The following TDRD9 variants were observed in gnomAD, a reference collection of about 807,000 sequenced individuals.
The protein encoded by TDRD9 is ATP-dependent RNA helicase TDRD9.
TDRD9 carries 124 observed loss-of-function variants against 172.6 expected under a neutral mutation model. That is an observed-to-expected ratio of 0.72 (90% confidence interval 0.62 to 0.83). TDRD9 has a LOEUF of 0.83. TDRD9 is among the 40% of genes least tolerant of loss of function. TDRD9 has a pLI of 0.00. For missense variants in TDRD9, 1,479 were observed against 1,714.1 expected (o/e 0.86, Z 2.42); for synonymous variants, 619 against 617.1 (o/e 1.00, Z -0.05).
rs1447015169 is a variant in TDRD9, at chr14:104,007,169, G to A, written c.2017G>A (p.Ala673Thr). The change falls in exon 19 of 36, where the codon GCT becomes ACT. Residue 673 changes from alanine to threonine, a missense_variant. Physicochemically the swap from Ala to Thr is moderately conservative, Grantham distance 58 (BLOSUM62 0). Transcript: ENST00000409874. ...ALVEAFKTWK[A>T]CRQTGELRYP... ...GATCCTTTATTTTCAGACATGGAAG[G>A]CTTGCAGACAGACAGGGGAGCTGCG... 1 of 1,613,866 alleles carries A rather than the reference G, an allele frequency of 6.2e-7. No homozygotes were observed. Among genetic ancestry groups the A allele is most frequent in the South Asian group, 1.1e-5 (1 of 91,054 alleles).
At chr14:104,006,332 G>T in intron 15 of TDRD9, 57 bp from the exon 16 acceptor site, 1 of 1,462,308 alleles carries the variant, frequency 6.8e-7, no homozygotes, top group Non-Finnish European at 9.4e-7. Context: ...CCACCTTAAG[G>T]GGAAGAAGTA....
At chr14:103,973,646 G>C (rs1003535793) in intron 6 of TDRD9, among the ~76,000 whole-genome samples, 1 of 152,310 alleles carries the variant, frequency 6.6e-6, no homozygotes, top group South Asian at 2.1e-4. Flanking sequence ...TTGTTTGCAG[G>C]CTGCACTCTG....
chr14:103,989,589 G>A (rs2033796322), intron 8 of TDRD9, among the ~76,000 whole-genome samples: 1 of 152,228 alleles, frequency 6.6e-6, no homozygotes, highest in Non-Finnish European at 1.5e-5. Context: ...CTATTTCCAT[G>A]AGGGCAAATC....
chr14:103,968,801 A>AAAAAAAAAAAAAAAAAAAAAAAAT (rs1444475581), intron 5 of TDRD9, among the ~76,000 whole-genome samples: 1 of 116,608 alleles, frequency 8.6e-6, no homozygotes, highest in Non-Finnish European at 1.8e-5. Context: ...GTCTCAAAAA[A>AAAAAAAAAAAAAAAAAAAAAAAAT]AAAGAATAAA....
chr14:104,041,301 G>T (rs911524049), intron 33 of TDRD9, among the ~76,000 whole-genome samples: 1 of 152,216 alleles, frequency 6.6e-6, no homozygotes, highest in Non-Finnish European at 1.5e-5. Flanking sequence ...CAGGAAATCT[G>T]TGTGACTTTG....
At chr14:103,969,168 CTT>C (rs147613591) in intron 5 of TDRD9, among the ~76,000 whole-genome samples, 5 of 137,628 alleles carry the variant, frequency 3.6e-5, no homozygotes, top group Admixed American at 7.4e-5. Context: ...ATTCAATAAA[CTT>C]TTTTTTTTTT....
chr14:103,946,362 T>C (rs1306974613), intron 1 of TDRD9, among the ~76,000 whole-genome samples: 1 of 152,218 alleles, frequency 6.6e-6, no homozygotes, highest in East Asian at 1.9e-4. Flanking sequence ...GAGTTGTTCA[T>C]ATTAAAAACT....
chr14:104,015,104 C>G (rs2152231088), intron 21 of TDRD9, among the ~76,000 whole-genome samples: 1 of 152,218 alleles, frequency 6.6e-6, no homozygotes, highest in Non-Finnish European at 1.5e-5. Context: ...TTTCTAATTT[C>G]CAGGGGAGTG....
Position 103,955,707 on chromosome 14 carries a change from TAC to T in TDRD9, c.261_262del (p.Tyr87Ter). ...RSSEVEYINK[Y>X]RQLEAQELDV... ...CTCAGAAGTAGAGTATATTAACAAA[TAC>T]AGACAGCTCGAAGCACAAGAGCTTG... is the stretch of plus-strand genomic sequence containing the variant. On this transcript the variant is annotated frameshift_variant, in exon 2 of 36. Coordinates refer to ENST00000409874, the MANE Select transcript of TDRD9 (RefSeq NM_153046.3). LOFTEE classifies it high-confidence loss of function. The T allele has an allele frequency of 6.4e-7, 1 of 1,551,400 alleles. No individual in the cohort carries two copies. Among genetic ancestry groups the T allele is most frequent in the Non-Finnish European group, 8.7e-7 (1 of 1,146,846 alleles).
chr14:104,000,641 T>C (rs1322329487), intron 13 of TDRD9, among the ~76,000 whole-genome samples: 1 of 152,008 alleles, frequency 6.6e-6, no homozygotes, highest in East Asian at 1.9e-4. Flanking sequence ...AAAAATTTGC[T>C]GAGTGTGGTG....
intron 9 of TDRD9, among the ~76,000 whole-genome samples, chr14:103,993,805 G>T (rs755769506): frequency 4.6e-5 from 7 of 152,140 alleles, no homozygotes; most frequent in African/African-American, 7.2e-5. Context: ...ACCACCTTCC[G>T]CATTCTGGGG....
In TDRD9 at chr14:104,007,149, T is replaced by A; in HGVS notation, c.2008-11T>A. ...CACATTATTTTGAAAGTTTGGATCCTTTATTTTCAGACATGGAAGGCTTGC... is the reference window on the plus strand; with the variant it reads ...CACATTATTTTGAAAGTTTGGATCCATTATTTTCAGACATGGAAGGCTTGC... On this transcript the variant is annotated splice_polypyrimidine_tract_variant and intron_variant, in intron 18 of 35. Transcript: ENST00000409874. 6.2e-7 allele frequency: 1 copy of A among 1,613,072 alleles called. No individual in the cohort carries two copies. The highest frequency in any genetic ancestry group is 1.1e-5 in the South Asian group (1 of 90,846).
intron 23 of TDRD9, among the ~76,000 whole-genome samples, 184 bp downstream of exon 23, chr14:104,018,376 G>T (rs1309922628): frequency 1.3e-5 from 2 of 152,132 alleles, no homozygotes; most frequent in Non-Finnish European, 2.9e-5. Context: ...TTCTCTTTCT[G>T]CTAAGTGACC....
intron 8 of TDRD9, among the ~76,000 whole-genome samples, chr14:103,987,060 G>C (rs1324111839): frequency 2.0e-5 from 3 of 151,864 alleles, no homozygotes; most frequent in African/African-American, 7.3e-5. Flanking sequence ...GTTGCAGTAA[G>C]CTGAGATCGT....
rs866263452 is a variant in TDRD9 at position 103,963,114 on chromosome 14, A to G, written c.358A>G (p.Thr120Ala). ...RPSLAKLSSV[T>A]CIPGTTYKYP... ...ATCTTTGGCTAAATTAAGCAGTGTG[A>G]CATGCATCCCAGGGACAACTTATAA... Residue 120 changes from threonine to alanine, a missense_variant, in exon 3 of 36, where the codon ACA becomes GCA. By Grantham distance (58) the Thr-to-Ala change is moderately conservative. Around this residue, in one of 3 missense-constraint regions of TDRD9, gnomAD observed 1,413 missense variants for 1,649.1 expected, o/e 0.86. Transcript: ENST00000409874. The G allele has an allele frequency of 1.3e-6, 2 of 1,549,880 alleles. No homozygotes were observed. The highest frequency in any genetic ancestry group is 2.7e-5 in the African/African-American group (2 of 72,960).
chr14:103,969,152 T>C (rs1418656039), intron 5 of TDRD9, among the ~76,000 whole-genome samples: 1 of 143,468 alleles, frequency 7.0e-6, no homozygotes, highest in Non-Finnish European at 1.5e-5. Context: ...TTTAAGCAAA[T>C]CATTCATTCA....
Position 104,031,198 on chromosome 14 carries a change from A to C in TDRD9, c.3373A>C (p.Lys1125Gln). The C allele has an allele frequency of 2.6e-6, 4 of 1,551,904 alleles. No homozygotes were observed. The highest frequency in any genetic ancestry group is 3.5e-6 in the Non-Finnish European group (4 of 1,147,002). Residue 1125 changes from lysine (K) to glutamine (Q), a missense_variant, in exon 29 of 36, where the codon AAA becomes CAA. Around this residue, in one of 3 missense-constraint regions of TDRD9, gnomAD observed 1,413 missense variants for 1,649.1 expected, o/e 0.86. Transcript: ENST00000409874. ...SVPFPMKDDE[K>Q]YLIRILLESF... The stretch of plus-strand genomic sequence containing the variant: ...GCCCTTTCCCATGAAAGACGACGAG[A>C]AATATCTCATCCGGATTTTGTTAGA...
chr14:103,952,326 C>T (rs552262074), intron 1 of TDRD9, among the ~76,000 whole-genome samples: 1 of 140,482 alleles, frequency 7.1e-6, no homozygotes, highest in Admixed American at 7.3e-5. Context: ...CTGCAAGCTC[C>T]GCCTCCCGGG....
intron 1 of TDRD9, among the ~76,000 whole-genome samples, chr14:103,953,682 C>T (rs1366374437): frequency 6.6e-6 from 1 of 152,058 alleles, no homozygotes; most frequent in East Asian, 1.9e-4. Context: ...CAAGACAAAG[C>T]CTGAGAACCT....
Sources: allele counts gnomAD v4.1 joint callset (sites outside exome capture counted in the v4.1 genomes callset), GRCh38; gene constraint gnomAD v4.1.1; regional missense constraint gnomAD v4.1.1; transcripts MANE v1.5; gene names NCBI Gene and HGNC (gene_info 2026-07-23, HGNC 2026-07-21).